Variants in NUDT3 observed in about 807,000 individuals in gnomAD.
The protein encoded by NUDT3 is nudix hydrolase 3, also known as diphosphoinositol polyphosphate phosphohydrolase 1.
In NUDT3, 9 loss-of-function variants were observed where a neutral mutation model predicts 23.6. The observed-to-expected ratio is 0.38, with a 90% confidence interval of 0.23 to 0.66. The LOEUF is 0.66. Among genes scored for constraint, NUDT3 ranks in the 30% least tolerant of loss-of-function variants. NUDT3 has a pLI of 0.52. For synonymous variants in NUDT3, 86 were observed against 82.6 expected (o/e 1.04, Z -0.22); for missense variants, 172 against 218.5 (o/e 0.79, Z 1.34).
chr6:34,385,479 T>C, intron 1 of NUDT3, among the ~76,000 whole-genome samples: 1 of 152,208 alleles, frequency 6.6e-6, no homozygotes, highest in Non-Finnish European at 1.5e-5. Context: ...GATCTTGTTT[T>C]GTTTTGTTTG....
At chr6:34,307,817 A>G (rs1429425494) in intron 2 of NUDT3, among the ~76,000 whole-genome samples, 1 of 152,058 alleles carries the variant, frequency 6.6e-6, no homozygotes, top group Non-Finnish European at 1.5e-5. Context: ...AATGGTCTAA[A>G]TACATCAATT....
intron 1 of NUDT3, among the ~76,000 whole-genome samples, chr6:34,368,061 C>T (rs138321627): frequency 1.3e-3 from 194 of 152,142 alleles, no homozygotes; most frequent in Middle Eastern, 3.4e-3. Context: ...ATTATCCCGG[C>T]GTGGTGGCAT....
intron 1 of NUDT3, among the ~76,000 whole-genome samples, chr6:34,352,610 A>G (rs757767860): frequency 5.9e-5 from 9 of 152,204 alleles, no homozygotes; most frequent in Non-Finnish European, 1.2e-4. Flanking sequence ...CAAGCCATGT[A>G]CCAAATGATA....
intron 2 of NUDT3, among the ~76,000 whole-genome samples, chr6:34,301,451 TCCAAGCC>T (rs1763595909): frequency 1.3e-5 from 2 of 152,212 alleles, no homozygotes; most frequent in Non-Finnish European, 2.9e-5. Flanking sequence ...GTTTACCAGG[TCCAAGCC>T]TAGGCCTCAA....
intron 1 of NUDT3, among the ~76,000 whole-genome samples, chr6:34,344,126 A>C (rs1764329261): frequency 6.6e-6 from 1 of 152,186 alleles, no homozygotes; most frequent in Admixed American, 6.5e-5. Context: ...TGTGGGAAAC[A>C]ATTTGGTTGT....
At chr6:34,293,754 A>T (rs1303208307) in intron 3 of NUDT3, among the ~76,000 whole-genome samples, 1 of 152,186 alleles carries the variant, frequency 6.6e-6, no homozygotes, top group Non-Finnish European at 1.5e-5. Context: ...CCAAGTAATT[A>T]TATTGGTTTT....
intron 2 of NUDT3, among the ~76,000 whole-genome samples, chr6:34,338,126 C>T (rs1197519693): frequency 2.0e-5 from 3 of 152,228 alleles, no homozygotes; most frequent in African/African-American, 7.2e-5. Flanking sequence ...TGTGCCTACA[C>T]CCTTCTAATT....
chr6:34,321,425 G>A (rs535549509), intron 2 of NUDT3, among the ~76,000 whole-genome samples: 96 of 152,052 alleles, frequency 6.3e-4, no homozygotes, highest in East Asian at 2.3e-3. Context: ...GCAACAGAGC[G>A]AGACTCCATC....
intron 1 of NUDT3, among the ~76,000 whole-genome samples, chr6:34,353,419 A>G (rs994621595): frequency 6.0e-5 from 9 of 150,650 alleles, no homozygotes; most frequent in Admixed American, 4.7e-4. Flanking sequence ...TGTTTTACTT[A>G]CCTATACACA....
chr6:34,330,956 G>C (rs142119944), intron 2 of NUDT3, among the ~76,000 whole-genome samples: 1 of 152,188 alleles, frequency 6.6e-6, no homozygotes, highest in Non-Finnish European at 1.5e-5. Context: ...CCAGGTTCAA[G>C]CAATTCTCCT....
chr6:34,299,374 C>T (rs185212552), intron 2 of NUDT3, among the ~76,000 whole-genome samples: 20 of 152,254 alleles, frequency 1.3e-4, no homozygotes, highest in Admixed American at 1.1e-3. Flanking sequence ...ATAATTCTTT[C>T]ACCCTTTTCT....
intron 2 of NUDT3, among the ~76,000 whole-genome samples, chr6:34,299,832 G>A (rs570794313): frequency 1.9e-3 from 283 of 151,646 alleles, no homozygotes; most frequent in African/African-American, 6.7e-3. Flanking sequence ...GAACCCAGGA[G>A]GCAGACACTG....
In NUDT3 at chr6:34,392,242, C is replaced by G. The variant is rs769293734; in HGVS notation, c.99+22G>C. On this transcript the variant is annotated intron_variant, in intron 1 of 4. Coordinates refer to ENST00000607016, the MANE Select transcript of NUDT3 (RefSeq NM_006703.4). ...GGGGCCGGAGACCCGGCGACCCCGG[C>G]CCGCCCAGCCTGCCGCCTCACCTCC... 5 of 1,557,724 alleles carry G rather than the reference C, an allele frequency of 3.2e-6. No individual in the cohort carries two copies. In the South Asian group the frequency reaches 3.5e-5, roughly 11 times the overall value.
At chr6:34,339,100 T>C (rs1047244472) in intron 2 of NUDT3, among the ~76,000 whole-genome samples, 1 of 152,144 alleles carries the variant, frequency 6.6e-6, no homozygotes, top group African/African-American at 2.4e-5. Context: ...GTTAACACTA[T>C]AGCTGCCAAT....
chr6:34,338,083 T>C (rs1308623409), intron 2 of NUDT3, among the ~76,000 whole-genome samples: 2 of 152,226 alleles, frequency 1.3e-5, no homozygotes, highest in Non-Finnish European at 2.9e-5. Context: ...GGCCTAGGGA[T>C]GCAAAGTACA....
At chr6:34,303,625 G>A (rs2113703342) in intron 2 of NUDT3, among the ~76,000 whole-genome samples, 1 of 152,166 alleles carries the variant, frequency 6.6e-6, no homozygotes, top group Non-Finnish European at 1.5e-5. Flanking sequence ...AGTTCCTTTT[G>A]TTTTTAGCTT....
chr6:34,374,210 T>G (rs368632770), intron 1 of NUDT3, among the ~76,000 whole-genome samples: 91 of 151,302 alleles, frequency 6.0e-4, no homozygotes, highest in Non-Finnish European at 1.2e-3. Flanking sequence ...ACTCCTTTTG[T>G]GGATCTGTCA....
intron 1 of NUDT3, among the ~76,000 whole-genome samples, chr6:34,364,463 T>G (rs2113754363): frequency 6.6e-6 from 1 of 152,324 alleles, no homozygotes; most frequent in East Asian, 1.9e-4. Context: ...CAAGTGCTAC[T>G]GACAGTTTCT....
chr6:34,342,146 A>G (rs1454698303), intron 1 of NUDT3, among the ~76,000 whole-genome samples, 174 bp from the exon 2 acceptor site: 3 of 152,146 alleles, frequency 2.0e-5, no homozygotes, highest in African/African-American at 7.2e-5. Flanking sequence ...AGTAGGCATC[A>G]GCTAGTAAAA....
Sources: gnomAD v4.1 joint callset for allele counts (sites outside exome capture counted in the v4.1 genomes callset) on GRCh38, gnomAD v4.1.1 for gene constraint, MANE v1.5 for transcripts, NCBI Gene and HGNC (gene_info 2026-07-23, HGNC 2026-07-21) for gene names.